The following MYO5A variants were observed in gnomAD, a reference collection of about 807,000 sequenced individuals.
The protein encoded by MYO5A is unconventional myosin-Va.
Under a neutral mutation model 249.7 loss-of-function variants are expected in MYO5A, and 98 were observed. That is an observed-to-expected ratio of 0.39 (90% CI 0.33 to 0.46). The LOEUF (loss-of-function observed/expected upper bound fraction) is 0.46. Among genes scored for constraint, MYO5A ranks in the 20% least tolerant of loss-of-function variants. MYO5A has a pLI of 0.98. For synonymous variants in MYO5A, 778 were observed against 810.6 expected (o/e 0.96, Z 0.68); for missense variants, 1,696 against 2,308.8 (o/e 0.73, Z 5.44).
intron 1 of MYO5A, among the ~76,000 whole-genome samples, chr15:52,449,732 GC>G: frequency 6.6e-6 from 1 of 152,300 alleles, no homozygotes; most frequent in Middle Eastern, 3.4e-3. Flanking sequence ...AGGCACAGTA[GC>G]TCATGCCTGT....
chr15:52,316,361 GCCCTTCTCATTCTT>G (rs2038017237), intron 40 of MYO5A, among the ~76,000 whole-genome samples: 1 of 151,700 alleles, frequency 6.6e-6, no homozygotes, highest in Admixed American at 6.6e-5. Context: ...ATCCTCAAAT[GCCCTTCTCATTCTT>G]CCACTTCCTT....
intron 1 of MYO5A, among the ~76,000 whole-genome samples, chr15:52,490,232 C>A (rs1341102916): frequency 6.6e-6 from 1 of 152,156 alleles, no homozygotes; most frequent in African/African-American, 2.4e-5. Flanking sequence ...AATCCCACTT[C>A]TGGTTATATA....
chr15:52,347,974 T>A (rs995257237), intron 29 of MYO5A, among the ~76,000 whole-genome samples: 7 of 152,344 alleles, frequency 4.6e-5, no homozygotes, highest in African/African-American at 1.4e-4. Flanking sequence ...AATAATGCTA[T>A]CTGTGTGCTC....
chr15:52,455,176 T>G (rs1310274873), intron 1 of MYO5A, among the ~76,000 whole-genome samples: 1 of 151,980 alleles, frequency 6.6e-6, no homozygotes, highest in African/African-American at 2.4e-5. Context: ...TTAGAGACAT[T>G]ATAAAGTACT....
intron 1 of MYO5A, among the ~76,000 whole-genome samples, chr15:52,518,662 T>C (rs1345362273): frequency 6.6e-6 from 1 of 152,192 alleles, no homozygotes; most frequent in African/African-American, 2.4e-5. Context: ...TGAGATCATA[T>C]CTTTAAAGGA....
chr15:52,379,038 T>C (rs1259225770), intron 18 of MYO5A, among the ~76,000 whole-genome samples: 1 of 152,224 alleles, frequency 6.6e-6, no homozygotes, highest in African/African-American at 2.4e-5. Context: ...AAAAACTGTT[T>C]TCTGAGCAAA....
At chr15:52,469,182 G>C (rs950329602) in intron 1 of MYO5A, among the ~76,000 whole-genome samples, 1 of 152,172 alleles carries the variant, frequency 6.6e-6, no homozygotes, top group Non-Finnish European at 1.5e-5. Flanking sequence ...TGAACAACAT[G>C]TGGGTAAGCA....
intron 20 of MYO5A, among the ~76,000 whole-genome samples, chr15:52,374,081 A>G (rs1458833983): frequency 6.6e-6 from 1 of 152,204 alleles, no homozygotes; most frequent in Non-Finnish European, 1.5e-5. Flanking sequence ...GAGCTCTAAT[A>G]TCCAGGCTTG....
At chr15:52,417,310 C>T (rs2043550344) in intron 4 of MYO5A, among the ~76,000 whole-genome samples, 1 of 152,076 alleles carries the variant, frequency 6.6e-6, no homozygotes, top group African/African-American at 2.4e-5. Flanking sequence ...TCTTTGAAGC[C>T]ACAGCAAAGA....
chr15:52,407,601 T>A (rs1340362203), intron 7 of MYO5A, among the ~76,000 whole-genome samples: 1 of 152,096 alleles, frequency 6.6e-6, no homozygotes, highest in Non-Finnish European at 1.5e-5. Flanking sequence ...AAAATATTTA[T>A]AGTTTATTTA....
At chr15:52,343,082 T>C (rs1345842480) in intron 31 of MYO5A, 35 bp downstream of exon 31, 1 of 1,557,432 alleles carries the variant, frequency 6.4e-7, no homozygotes, top group Non-Finnish European at 8.9e-7. Context: ...AAACAACAAA[T>C]TAATAACATT....
At position 52,389,303 on chromosome 15, in the gene MYO5A, A is replaced by C. The variant is rs540811832; in HGVS notation, c.1603T>G (p.Cys535Gly). The change falls in exon 13 of 42, where the codon TGT becomes GGT. Residue 535 changes from cysteine (C) to glycine (G), a missense_variant. This residue lies in a region of MYO5A where 277 missense variants were observed against 422.4 expected (regional missense o/e 0.66). Coordinates refer to ENST00000399233, the MANE Select transcript of MYO5A (RefSeq NM_001382347.1). ...AGACGAGGCTTTTCAAAGAGTGCAC[A>C]TTTGTTCAAATGTGTGTTGTACAAT... ...QKLYNTHLNK[C>G]ALFEKPRLSN... 7 of 1,612,886 alleles carry C rather than the reference A, an allele frequency of 4.3e-6. No individual in the cohort carries two copies. The Admixed American group carries it at 1.2e-4, about 27-fold the overall frequency.
intron 1 of MYO5A, among the ~76,000 whole-genome samples, chr15:52,447,267 C>T (rs1459386018): frequency 6.6e-6 from 1 of 152,056 alleles, no homozygotes. Flanking sequence ...TTATCACTCA[C>T]TCACACTCTC....
intron 11 of MYO5A, among the ~76,000 whole-genome samples, chr15:52,394,558 G>C (rs547563274): frequency 2.0e-5 from 3 of 152,350 alleles, no homozygotes; most frequent in African/African-American, 7.2e-5. Flanking sequence ...GGGCAGAGCA[G>C]TTGTGCAGAA....
intron 1 of MYO5A, among the ~76,000 whole-genome samples, chr15:52,467,922 C>A (rs2076383533): frequency 6.6e-6 from 1 of 152,116 alleles, no homozygotes. Flanking sequence ...AATTTTATGT[C>A]CAGCAAGATT....
At chr15:52,434,716 G>A (rs543691665) in intron 1 of MYO5A, among the ~76,000 whole-genome samples, 93 of 152,310 alleles carry the variant, frequency 6.1e-4, no homozygotes, top group African/African-American at 2.1e-3. Context: ...GTTTTTATGT[G>A]CTTGGACTCT....
At chr15:52,405,484 T>G in intron 8 of MYO5A, 91 bp from the exon 9 acceptor site, 1 of 916,794 alleles carries the variant, frequency 1.1e-6, no homozygotes, top group Non-Finnish European at 1.7e-6. Context: ...TGTTAATTCC[T>G]GAATATTGCC....
chr15:52,353,729 G>A lies in MYO5A; in HGVS notation c.3568-71C>T, dbSNP rs755122135. 377 of 1,585,564 alleles carry A rather than the reference G, an allele frequency of 2.4e-4. 1 individual carries two copies. Among genetic ancestry groups the A allele is most frequent in the Admixed American group, 4.7e-4 (28 of 59,874 alleles). Reference sequence around the variant, plus strand: ...TCTTAAAATATTTACTTGCTCTACCGAAAACAGTGAAGAGAGTTTAGCCCT... The same window carrying A: ...TCTTAAAATATTTACTTGCTCTACCAAAAACAGTGAAGAGAGTTTAGCCCT... On this transcript the variant is annotated intron_variant, in intron 26 of 41. Coordinates refer to ENST00000399233, the MANE Select transcript of MYO5A (RefSeq NM_001382347.1).
At chr15:52,513,794 G>A (rs2077444272) in intron 1 of MYO5A, among the ~76,000 whole-genome samples, 1 of 152,206 alleles carries the variant, frequency 6.6e-6, no homozygotes, top group Admixed American at 6.5e-5. Context: ...GTACCACTCA[G>A]GGGTGTTGAG....
Sources: allele counts gnomAD v4.1 joint callset (sites outside exome capture counted in the v4.1 genomes callset), GRCh38; gene constraint gnomAD v4.1.1; regional missense constraint gnomAD v4.1.1; transcripts MANE v1.5; gene names NCBI Gene and HGNC (gene_info 2026-07-23, HGNC 2026-07-21).